The following NDST1 variants were observed in gnomAD, a reference collection of about 807,000 sequenced individuals.
The protein encoded by NDST1 is bifunctional heparan sulfate N-deacetylase/N-sulfotransferase 1.
A neutral mutation model predicts 92.8 loss-of-function variants in NDST1; 35 were observed. The observed-to-expected ratio is 0.38, with a 90% CI of 0.29 to 0.50. NDST1 has a LOEUF of 0.50. Ranked by LOEUF, NDST1 falls within the 20% of genes least tolerant of loss-of-function variation. The pLI is 0.94. For synonymous variants in NDST1, 493 were observed against 500.3 expected, an observed-to-expected ratio of 0.99 and a Z score of 0.19; for missense variants, 822 against 1,182.7, an observed-to-expected ratio of 0.69 and a Z score of 4.47.
intron 7 of NDST1, chr5:150,539,782 G>T: frequency 1.0e-6 from 1 of 985,216 alleles, no homozygotes; most frequent in Middle Eastern, 5.2e-4. Flanking sequence ...AGCTCTGTGG[G>T]CTGAGTACTC....
intron 2 of NDST1, among the ~76,000 whole-genome samples, chr5:150,524,200 C>T (rs1012629185): frequency 2.0e-5 from 3 of 152,232 alleles, no homozygotes; most frequent in African/African-American, 7.2e-5. Context: ...CTAATTACAG[C>T]TGCTGCCTCA....
At chr5:150,536,314 C>T (rs940731459) in intron 6 of NDST1, among the ~76,000 whole-genome samples, 1 of 151,890 alleles carries the variant, frequency 6.6e-6, no homozygotes, top group Admixed American at 6.6e-5. Flanking sequence ...AGTGAAACCC[C>T]ATCTCTACTA....
At chr5:150,533,431 C>T (rs535346004) in intron 4 of NDST1, among the ~76,000 whole-genome samples, 1 of 152,338 alleles carries the variant, frequency 6.6e-6, no homozygotes, top group Admixed American at 6.5e-5. Flanking sequence ...TGTAATTGTA[C>T]CCACCTTGGA....
rs1287361996 is a variant in NDST1 at position 150,521,830 on chromosome 5, C to G, written c.513+63C>G. On this transcript the variant is annotated intron_variant, in intron 2 of 14. Transcript: ENST00000261797. This position sits in a 1 kb window ranked among gnomAD's most constrained non-coding sequence, Gnocchi z 5.9. Reference sequence around the variant, plus strand: ...CCCTCTGCAGCTCAGTGCCTGAATTCTCATTTGTGAAATAGGTGTAATGGT... The same window carrying G: ...CCCTCTGCAGCTCAGTGCCTGAATTGTCATTTGTGAAATAGGTGTAATGGT... 2 of 1,599,000 alleles carry G rather than the reference C, an allele frequency of 1.3e-6. No homozygotes were observed. The highest frequency in any genetic ancestry group is 3.3e-5 in the Admixed American group (2 of 60,000).
At chr5:150,500,293 G>A (rs1022556544) in intron 1 of NDST1, among the ~76,000 whole-genome samples, 1 of 152,124 alleles carries the variant, frequency 6.6e-6, no homozygotes, top group Admixed American at 6.5e-5. Context: ...TTCAGACCAG[G>A]GGGTCTATAG....
At chr5:150,517,182 C>T (rs943762746) in intron 1 of NDST1, among the ~76,000 whole-genome samples, 6 of 152,136 alleles carry the variant, frequency 3.9e-5, no homozygotes, top group South Asian at 2.1e-4. Flanking sequence ...GATGGGGTCT[C>T]GCTCTGTCGC....
At chr5:150,501,008 A>G (rs1272820724) in intron 1 of NDST1, among the ~76,000 whole-genome samples, 1 of 152,192 alleles carries the variant, frequency 6.6e-6, no homozygotes, top group Non-Finnish European at 1.5e-5. Context: ...TGGAAAAATG[A>G]ACCATCGTCA....
intron 1 of NDST1, chr5:150,518,797 G>C (rs1451786592): frequency 6.7e-6 from 1 of 148,550 alleles, no homozygotes; most frequent in Non-Finnish European, 1.5e-5. Flanking sequence ...TTTTTTTTTA[G>C]ATAGAGTCTC....
rs570245152 is a variant in NDST1, at chr5:150,521,178, C to T, written c.-77C>T. 1.8e-4 allele frequency: 242 copies of T among 1,344,554 alleles called. 1 individual carries two copies. The African/African-American group carries it at 2.7e-3, about 15-fold the overall frequency. 83.3% of individuals were successfully genotyped at this position (1,344,554 alleles called of 1,614,324 possible). On this transcript the variant is annotated 5_prime_UTR_variant, in exon 2 of 15. Coordinates refer to ENST00000261797, the MANE Select transcript of NDST1 (RefSeq NM_001543.5). This position sits in a 1 kb window ranked among gnomAD's most constrained non-coding sequence, Gnocchi z 5.9. ...AATTTGTTGGTCAGTGGACGATTCT[C>T]GTGTCTCCTCCTGTGTGGGGCCTTG... is the stretch of plus-strand genomic sequence containing the variant.
intron 1 of NDST1, among the ~76,000 whole-genome samples, chr5:150,513,349 G>A (rs1345351405): frequency 6.6e-6 from 1 of 152,140 alleles, no homozygotes; most frequent in Non-Finnish European, 1.5e-5. Context: ...AAATTAGCTG[G>A]GCATGGTGGC....
chr5:150,543,641 C>T (rs774465504), intron 10 of NDST1, among the ~76,000 whole-genome samples: 2 of 152,250 alleles, frequency 1.3e-5, no homozygotes, highest in Non-Finnish European at 2.9e-5. Flanking sequence ...GTGGGTACAC[C>T]TCACACGTGT....
chr5:150,499,959 A>T (rs191876934), intron 1 of NDST1, among the ~76,000 whole-genome samples: 113 of 152,262 alleles, frequency 7.4e-4, no homozygotes, highest in Non-Finnish European at 1.2e-3. Context: ...ACCAGTTCAG[A>T]TGTTTACTGG....
intron 5 of NDST1, chr5:150,535,437 G>A: frequency 3.1e-6 from 3 of 971,904 alleles, no homozygotes; most frequent in Non-Finnish European, 3.7e-6. Flanking sequence ...GGGTACTTGA[G>A]TCCTTTGTGC....
intron 6 of NDST1, among the ~76,000 whole-genome samples, chr5:150,537,374 T>C (rs6884135): frequency 0.02 from 3,016 of 152,342 alleles, 106 homozygotes; most frequent in African/African-American, 0.069. Flanking sequence ...TGAATTCTTT[T>C]TCTCAGCAAG....
intron 4 of NDST1, among the ~76,000 whole-genome samples, chr5:150,534,447 G>T (rs528784691): frequency 6.6e-6 from 1 of 152,162 alleles, no homozygotes; most frequent in Non-Finnish European, 1.5e-5. Flanking sequence ...GGTGGTTATA[G>T]TAATATGTCT....
intron 2 of NDST1, 105 bp from the exon 3 acceptor site, chr5:150,527,699 G>T: frequency 6.5e-7 from 1 of 1,535,940 alleles, no homozygotes; most frequent in South Asian, 1.2e-5. Context: ...CATGAATGTT[G>T]GTGAATATTG....
rs756067949 is a variant in NDST1, at chr5:150,553,394, G to A, written c.*62G>A. On this transcript the variant is annotated 3_prime_UTR_variant, in exon 15 of 15. Transcript: ENST00000261797. This position sits in a 1 kb window ranked among gnomAD's most constrained non-coding sequence, Gnocchi z 4.2. ...GCTGGGACATCCCACCACACGCTGA[G>A]CCAGACCTGCAGAGTGGGAAGCTGG... is the stretch of plus-strand genomic sequence containing the variant. 6.9e-6 allele frequency: 11 copies of A among 1,594,824 alleles called. No individual in the cohort carries two copies. The Admixed American group carries it at 1.5e-4, about 22-fold the overall frequency.
intron 2 of NDST1, among the ~76,000 whole-genome samples, chr5:150,522,677 T>C (rs1225176619): frequency 1.3e-5 from 2 of 151,970 alleles, no homozygotes; most frequent in Non-Finnish European, 2.9e-5. Flanking sequence ...TTTCAGTGCT[T>C]TGGGAGTGGG....
chr5:150,533,857 C>T (rs1754859743), intron 4 of NDST1, among the ~76,000 whole-genome samples: 1 of 151,880 alleles, frequency 6.6e-6, no homozygotes, highest in Non-Finnish European at 1.5e-5. Context: ...GTGAGGTGGG[C>T]ATATTATTTG....
Sources: allele counts gnomAD v4.1 joint callset (sites outside exome capture counted in the v4.1 genomes callset), GRCh38; gene constraint gnomAD v4.1.1; non-coding constraint Gnocchi (gnomAD v3.1); transcripts MANE v1.5; gene names NCBI Gene and HGNC (gene_info 2026-07-23, HGNC 2026-07-21).